MINDY2: variants seen among roughly 807,000 people sequenced by gnomAD.
MINDY2 encodes MINDY lysine 48 deubiquitinase 2.
In MINDY2, 52 loss-of-function variants were observed where a neutral mutation model predicts 68.2. The observed-to-expected ratio is 0.76, with a 90% confidence interval of 0.61 to 0.96. The LOEUF is 0.96. Among genes scored for constraint, MINDY2 ranks in the 40% least tolerant of loss-of-function variants. The pLI, the probability that MINDY2 is intolerant of heterozygous loss-of-function variation, is 0.00. For synonymous variants in MINDY2, 372 were observed against 303.0 expected, an observed-to-expected ratio of 1.23 and a Z score of -2.36; for missense variants, 881 against 773.4, an observed-to-expected ratio of 1.14 and a Z score of -1.65.
chr15:58,793,081 G>A (rs1288598641), intron 2 of MINDY2, among the ~76,000 whole-genome samples: 10 of 152,192 alleles, frequency 6.6e-5, no homozygotes, highest in African/African-American at 2.4e-4. Context: ...CTTAGGGCTG[G>A]GGAAGAGATG....
intron 1 of MINDY2, among the ~76,000 whole-genome samples, chr15:58,782,688 T>C (rs1349712915): frequency 1.3e-5 from 2 of 152,260 alleles, no homozygotes; most frequent in South Asian, 2.1e-4. Flanking sequence ...TGAGTATTGA[T>C]AATTGGCTTT....
chr15:58,833,388 G>A (rs1314053826), intron 6 of MINDY2, among the ~76,000 whole-genome samples: 1 of 152,138 alleles, frequency 6.6e-6, no homozygotes, highest in Non-Finnish European at 1.5e-5. Flanking sequence ...TTCTCATTAG[G>A]TGGAACAAGA....
intron 6 of MINDY2, among the ~76,000 whole-genome samples, chr15:58,842,558 G>A (rs2032333551): frequency 6.6e-6 from 1 of 152,072 alleles, no homozygotes; most frequent in African/African-American, 2.4e-5. Context: ...TAAAAGGGGA[G>A]GGGGCAGAAT....
rs2033158312 is a variant in MINDY2, at chr15:58,859,562, G to T, written c.*4952G>T. On this transcript the variant is annotated 3_prime_UTR_variant, in exon 9 of 9. Transcript: ENST00000559228. ...TGTCCAACACCTCTAAGATTGTTGA[G>T]AAAACATGAAGAATTGAGGTTACTC... 1 of 152,104 alleles carries T rather than the reference G, an allele frequency of 6.6e-6. No individual in the cohort carries two copies. Among genetic ancestry groups the T allele is most frequent in the Non-Finnish European group, 1.5e-5 (1 of 68,022 alleles). The allele number at this position is 152,104 out of a possible 1,614,324, so 9.4% of individuals were successfully genotyped here.
intron 5 of MINDY2, among the ~76,000 whole-genome samples, chr15:58,829,172 G>C (rs2031583025): frequency 6.6e-6 from 1 of 152,164 alleles, no homozygotes; most frequent in South Asian, 2.1e-4. Flanking sequence ...ACTAGATTGA[G>C]CTTTTCAATA....
At chr15:58,785,297 A>C (rs750385991) in intron 1 of MINDY2, among the ~76,000 whole-genome samples, 1 of 152,182 alleles carries the variant, frequency 6.6e-6, no homozygotes, top group Non-Finnish European at 1.5e-5. Context: ...ATGATTCAGG[A>C]AATGAATATA....
At position 58,851,960 on chromosome 15, in the gene MINDY2, G is replaced by C. The variant is rs377286510; in HGVS notation, c.1732G>C (p.Ala578Pro). The change falls in exon 8 of 9, where the codon GCT becomes CCT. Residue 578 changes from alanine (A) to proline (P), a missense_variant. Ala to Pro is a conservative substitution (Grantham distance 27, BLOSUM62 -1). Coordinates refer to ENST00000559228, the MANE Select transcript of MINDY2 (RefSeq NM_001040450.3). Reference sequence around the variant, plus strand: ...TGCTGCTGCTGCTGCTTCTACACAGGCTCAGGTAAAAACTAGTGTTTTGAG... The same window carrying C: ...TGCTGCTGCTGCTGCTTCTACACAGCCTCAGGTAAAAACTAGTGTTTTGAG... ...AAAAAAASTQ[A>P]QQGQPAQASP... 1.3e-6 allele frequency: 2 copies of C among 1,579,328 alleles called. No individual in the cohort carries two copies. The highest frequency in any genetic ancestry group is 1.7e-6 in the Non-Finnish European group (2 of 1,169,782).
intron 1 of MINDY2, among the ~76,000 whole-genome samples, chr15:58,779,867 G>A (rs1901021694): frequency 6.6e-6 from 1 of 152,096 alleles, no homozygotes; most frequent in Admixed American, 6.6e-5. Context: ...GGTATGAGTA[G>A]TCTTTTAGTT....
intron 3 of MINDY2, among the ~76,000 whole-genome samples, chr15:58,806,023 G>A (rs751198967): frequency 6.6e-6 from 1 of 152,222 alleles, no homozygotes; most frequent in Non-Finnish European, 1.5e-5. Flanking sequence ...GCAGTGAGCC[G>A]AGATCACGCC....
chr15:58,823,028 A>G (rs1262587804), intron 5 of MINDY2, among the ~76,000 whole-genome samples: 1 of 152,188 alleles, frequency 6.6e-6, no homozygotes, highest in Non-Finnish European at 1.5e-5. Flanking sequence ...TCAGAATCCA[A>G]CTAATTACAT....
Position 58,861,811 on chromosome 15 carries a change from T to C in MINDY2, c.*7201T>C, listed in dbSNP as rs1289174279. 6.6e-6 allele frequency: 1 copy of C among 152,242 alleles called. No homozygotes were observed. Among genetic ancestry groups the C allele is most frequent in the African/African-American group, 2.4e-5 (1 of 41,468 alleles). 9.4% of individuals were successfully genotyped at this position (152,242 alleles called of 1,614,324 possible). ...AAAATGTTGGCTGTTTTTGTTAATA[T>C]ACTTAAAACTGTAACCAGTGAATAA... On this transcript the variant is annotated 3_prime_UTR_variant, in exon 9 of 9. Transcript: ENST00000559228.
intron 3 of MINDY2, among the ~76,000 whole-genome samples, 163 bp from the exon 4 acceptor site, chr15:58,810,067 A>G (rs1388263788): frequency 2.6e-5 from 4 of 152,214 alleles, no homozygotes; most frequent in African/African-American, 4.8e-5. Context: ...TTCAAACTCC[A>G]ACTAGCTTCT....
intron 2 of MINDY2, among the ~76,000 whole-genome samples, chr15:58,802,003 A>C (rs1902696880): frequency 6.6e-6 from 1 of 152,222 alleles, no homozygotes; most frequent in South Asian, 2.1e-4. Flanking sequence ...GTAATCAGAA[A>C]TAGTTATATT....
At chr15:58,837,539 C>CAAA (rs59471550) in intron 6 of MINDY2, among the ~76,000 whole-genome samples, 19 of 121,634 alleles carry the variant, frequency 1.6e-4, no homozygotes, top group African/African-American at 4.9e-4. Flanking sequence ...ATGATGGCAC[C>CAAA]AAAAAAAAAA....
At position 58,792,294 on chromosome 15, in the gene MINDY2, G is replaced by A. The variant is rs112322674; in HGVS notation, c.898+4331G>A. 1.9e-3 allele frequency among the ~76,000 whole-genome samples: 283 copies of A among 152,314 alleles called. 2 individuals carry two copies. Among genetic ancestry groups the A allele is most frequent in the African/African-American group, 6.6e-3 (273 of 41,578 alleles). The stretch of plus-strand genomic sequence containing the variant: ...GTATTTACCCAAGAGAAGTGAAAAC[G>A]TATGTCCATACAGCTTGTATAAAAA... On this transcript the variant is annotated intron_variant, in intron 2 of 8. Transcript: ENST00000559228.
At chr15:58,798,515 G>A (rs1305004482) in intron 2 of MINDY2, among the ~76,000 whole-genome samples, 1 of 150,822 alleles carries the variant, frequency 6.6e-6, no homozygotes, top group Non-Finnish European at 1.5e-5. Flanking sequence ...TAGTGCAATG[G>A]CACAATCTTG....
intron 1 of MINDY2, among the ~76,000 whole-genome samples, chr15:58,773,726 A>G (rs745858555): frequency 4.6e-5 from 7 of 152,152 alleles, no homozygotes; most frequent in Non-Finnish European, 7.4e-5. Flanking sequence ...TTAAAGACAA[A>G]TTAGAGCAAT....
intron 7 of MINDY2, among the ~76,000 whole-genome samples, chr15:58,848,711 A>G (rs955282010): frequency 6.6e-5 from 10 of 152,174 alleles, no homozygotes; most frequent in Admixed American, 5.9e-4. Flanking sequence ...GTGCCACTGC[A>G]CTCCAGCCTG....
chr15:58,810,441 AT>A, intron 4 of MINDY2, 53 bp downstream of exon 4: 1 of 1,420,622 alleles, frequency 7.0e-7, no homozygotes. Flanking sequence ...AAATGTATTA[AT>A]TTGGCAAATT....
Sources: gnomAD v4.1 joint callset for allele counts (sites outside exome capture counted in the v4.1 genomes callset) on GRCh38, gnomAD v4.1.1 for gene constraint, MANE v1.5 for transcripts, NCBI Gene and HGNC (gene_info 2026-07-23, HGNC 2026-07-21) for gene names.